The following CTNNA1 variants were observed in gnomAD, a reference collection of about 807,000 sequenced individuals.
The protein encoded by CTNNA1 is catenin alpha 1.
A neutral mutation model predicts 98.4 loss-of-function variants in CTNNA1; 37 were observed. The ratio of observed to expected loss-of-function variants is 0.38; its 90% CI spans 0.29 to 0.49. The LOEUF (loss-of-function observed/expected upper bound fraction) is 0.49. CTNNA1 is among the 20% of genes least tolerant of loss of function. CTNNA1 has a pLI of 0.95. For synonymous variants in CTNNA1, 404 were observed against 413.2 expected, an observed-to-expected ratio of 0.98 and a Z score of 0.27; for missense variants, 761 against 1,147.2, an observed-to-expected ratio of 0.66 and a Z score of 4.86.
chr5:138,932,818 C>A, intron 17 of CTNNA1, 106 bp downstream of exon 17: 1 of 1,403,572 alleles, frequency 7.1e-7, no homozygotes. Flanking sequence ...GGAAAGTGTG[C>A]TGTGCAGAAA....
chr5:138,930,101 A>ATGTCCATCAGGGCCCACCAGG (rs1276336368), intron 14 of CTNNA1, among the ~76,000 whole-genome samples: 1 of 152,216 alleles, frequency 6.6e-6, no homozygotes, highest in Non-Finnish European at 1.5e-5. Context: ...ATAGTTGGAA[A>ATGTCCATCAGGGCCCACCAGG]TGTCCATCAG....
Position 138,776,077 on chromosome 5 carries a change from G to A in CTNNA1, c.-2-5846G>A, listed in dbSNP as rs558331549. On this transcript the variant is annotated intron_variant, in intron 1 of 17. Coordinates refer to ENST00000302763, the MANE Select transcript of CTNNA1 (RefSeq NM_001903.5). ...TTTTTTTTTTTTATTGATCATTCTT[G>A]GGTGTTTCTCACAGAGGGGGATTTG... Among the ~76,000 whole-genome samples the A allele has an allele frequency of 2.9e-5, 3 of 102,820 alleles. No individual in the cohort carries two copies. In the East Asian group the frequency reaches 9.1e-4, roughly 31 times the overall value. The allele number at this position is 102,820 out of a possible 152,430, so 67.5% of individuals were successfully genotyped here. A position where few individuals can be genotyped will look rare whatever the true frequency, so the allele number is the denominator to read the frequency against.
intron 5 of CTNNA1, among the ~76,000 whole-genome samples, chr5:138,816,991 G>A (rs985212445): frequency 1.3e-5 from 2 of 152,162 alleles, no homozygotes; most frequent in African/African-American, 4.8e-5. Flanking sequence ...GTGACCCACC[G>A]TGCCCGGCTA....
intron 7 of CTNNA1, among the ~76,000 whole-genome samples, chr5:138,864,797 TTTTTGTTTTTG>T (rs779746988): frequency 2.7e-4 from 39 of 146,074 alleles, no homozygotes; most frequent in South Asian, 8.5e-4. Context: ...GAAGATGTGT[TTTTTGTTTTTG>T]TTTTTGTTTT....
rs2150005241 is a variant in CTNNA1, at chr5:138,883,158, CGCCTGGCAGAA to C, written c.1063-3053_1063-3043del. ...CTAGGATTACAGGCATGAGCCACCG[CGCCTGGCAGAA>C]TCTTGTTTTAAAATGAGCAAGCTTT... On this transcript the variant is annotated intron_variant, in intron 7 of 17. Coordinates refer to ENST00000302763, the MANE Select transcript of CTNNA1 (RefSeq NM_001903.5). 2.6e-5 allele frequency among the ~76,000 whole-genome samples: 4 copies of C among 152,256 alleles called. No individual in the cohort carries two copies. The South Asian group carries it at 8.3e-4, about 32-fold the overall frequency.
intron 1 of CTNNA1, chr5:138,753,778 C>T (rs1032398899): frequency 1.4e-5 from 4 of 277,838 alleles, no homozygotes; most frequent in Admixed American, 5.3e-5. Flanking sequence ...CGGGGGGCCG[C>T]CTGGGCTGGG....
intron 9 of CTNNA1, among the ~76,000 whole-genome samples, chr5:138,901,100 C>T (rs1415852285): frequency 1.3e-5 from 2 of 152,168 alleles, no homozygotes; most frequent in Non-Finnish European, 2.9e-5. Flanking sequence ...TGGAAGTTAA[C>T]TGCTCCAAGT....
chr5:138,799,975 C>T (rs1377278084), intron 3 of CTNNA1, among the ~76,000 whole-genome samples: 1 of 152,088 alleles, frequency 6.6e-6, no homozygotes, highest in East Asian at 1.9e-4. Flanking sequence ...CGGCTCACTG[C>T]AACCTCTGCC....
chr5:138,879,812 G>T (rs1272815593), intron 7 of CTNNA1, among the ~76,000 whole-genome samples: 1 of 152,204 alleles, frequency 6.6e-6, no homozygotes, highest in East Asian at 1.9e-4. Flanking sequence ...AACTGAGAAA[G>T]CAGTAGAAGG....
intron 1 of CTNNA1, chr5:138,754,025 T>TGGGGCGGC (rs1399770467): frequency 3.3e-5 from 5 of 151,954 alleles, no homozygotes; most frequent in Middle Eastern, 3.1e-3. Context: ...GACTTCCCGA[T>TGGGGCGGC]GGGGCGGCGG....
chr5:138,896,740 A>G (rs1756899339), intron 9 of CTNNA1, among the ~76,000 whole-genome samples: 1 of 152,168 alleles, frequency 6.6e-6, no homozygotes, highest in African/African-American at 2.4e-5. Flanking sequence ...CATGGTAAGG[A>G]TAACACCTTT....
At chr5:138,800,871 A>G (rs1445738978) in intron 3 of CTNNA1, among the ~76,000 whole-genome samples, 3 of 151,922 alleles carry the variant, frequency 2.0e-5, no homozygotes, top group Non-Finnish European at 2.9e-5. Context: ...GCAGACTTCA[A>G]TTCACAGTAT....
chr5:138,805,859 G>A (rs1432806568), intron 3 of CTNNA1, among the ~76,000 whole-genome samples: 1 of 146,822 alleles, frequency 6.8e-6, no homozygotes, highest in East Asian at 2.0e-4. Flanking sequence ...TTACTTTCTT[G>A]GTAGTGTTCT....
chr5:138,836,227 A>G (rs1478911825), intron 7 of CTNNA1, among the ~76,000 whole-genome samples: 1 of 152,156 alleles, frequency 6.6e-6, no homozygotes, highest in Non-Finnish European at 1.5e-5. Flanking sequence ...CTCCCACCAT[A>G]TGGTAACCCA....
chr5:138,856,711 A>G (rs1187589713), intron 7 of CTNNA1, among the ~76,000 whole-genome samples: 4 of 152,180 alleles, frequency 2.6e-5, no homozygotes, highest in African/African-American at 9.7e-5. Context: ...TTAAGAGTAC[A>G]TGACTAAGAT....
At chr5:138,814,421 A>G (rs1759194674) in intron 5 of CTNNA1, among the ~76,000 whole-genome samples, 3 of 152,274 alleles carry the variant, frequency 2.0e-5, no homozygotes, top group South Asian at 2.1e-4. Context: ...AGTCTCCATC[A>G]TATAAATTAT....
chr5:138,831,491 C>T (rs545982298), intron 7 of CTNNA1, among the ~76,000 whole-genome samples: 22 of 152,306 alleles, frequency 1.4e-4, no homozygotes, highest in Admixed American at 1.4e-3. Flanking sequence ...CCACTTTGTT[C>T]TGCCTGCCCA....
chr5:138,779,866 C>A (rs1170621914), intron 1 of CTNNA1, among the ~76,000 whole-genome samples: 2 of 151,954 alleles, frequency 1.3e-5, no homozygotes, highest in Non-Finnish European at 2.9e-5. Context: ...CGGGCGTGTA[C>A]CACCACACTG....
At chr5:138,775,467 C>G (rs1754000471) in intron 1 of CTNNA1, among the ~76,000 whole-genome samples, 1 of 152,166 alleles carries the variant, frequency 6.6e-6, no homozygotes, top group Non-Finnish European at 1.5e-5. Flanking sequence ...TTCTGTGTTA[C>G]CAGATTAGGC....
Sources: gnomAD v4.1 joint callset for allele counts (sites outside exome capture counted in the v4.1 genomes callset) on GRCh38, gnomAD v4.1.1 for gene constraint, MANE v1.5 for transcripts, NCBI Gene and HGNC (gene_info 2026-07-23, HGNC 2026-07-21) for gene names.